The following TBC1D8 variants were observed in gnomAD, a reference collection of about 807,000 sequenced individuals.
TBC1D8 encodes BUB2-like protein 1.
TBC1D8 carries 65 observed loss-of-function variants against 118.8 expected under a neutral mutation model. The ratio of observed to expected loss-of-function variants is 0.55; its 90% CI spans 0.45 to 0.67. The LOEUF is 0.67. Among genes scored for constraint, TBC1D8 ranks in the 30% least tolerant of loss-of-function variants. TBC1D8 has a pLI of 0.00. For synonymous variants in TBC1D8, 566 were observed against 595.8 expected (o/e 0.95, Z 0.73); for missense variants, 1,376 against 1,471.2 (o/e 0.94, Z 1.06).
chr2:101,097,359 T>G (rs1182057041), intron 1 of TBC1D8, among the ~76,000 whole-genome samples: 3 of 152,038 alleles, frequency 2.0e-5, no homozygotes, highest in Admixed American at 2.0e-4. Context: ...GCAACCGAAA[T>G]TTATATAAAG....
rs1475712173 is a variant in TBC1D8 at position 101,010,924 on chromosome 2, C to T, written c.3015+5G>A. 2 of 1,608,842 alleles carry T rather than the reference C, an allele frequency of 1.2e-6. No homozygotes were observed. Among genetic ancestry groups the T allele is most frequent in the East Asian group, 2.2e-5 (1 of 44,852 alleles). On this transcript the variant is annotated splice_donor_5th_base_variant and intron_variant, in intron 19 of 19. Coordinates refer to ENST00000409318, the MANE Select transcript of TBC1D8 (RefSeq NM_001330348.2). ...TTAATTCTCTGCACTGAAGAAAGTCCATACCTGGCTCATTTTGGGCAATTC... is the reference window on the plus strand; with the variant it reads ...TTAATTCTCTGCACTGAAGAAAGTCTATACCTGGCTCATTTTGGGCAATTC...
intron 1 of TBC1D8, among the ~76,000 whole-genome samples, chr2:101,126,100 A>G (rs1481517571): frequency 6.6e-6 from 1 of 152,202 alleles, no homozygotes; most frequent in Non-Finnish European, 1.5e-5. Context: ...ATGAAGCCTC[A>G]GGAAGCTTCC....
chr2:101,056,194 AATT>A (rs1402993389), intron 3 of TBC1D8, among the ~76,000 whole-genome samples: 5 of 140,230 alleles, frequency 3.6e-5, no homozygotes, highest in East Asian at 2.0e-4. Flanking sequence ...TGTAATGTAA[AATT>A]ATTATTATTA....
chr2:101,022,593 CAAT>C (rs1680104751), intron 15 of TBC1D8, 72 bp from the exon 16 acceptor site: 6 of 1,521,930 alleles, frequency 3.9e-6, no homozygotes, highest in South Asian at 2.7e-5. Flanking sequence ...CAAACAAATA[CAAT>C]AATAAATTAC....
chr2:101,100,016 A>G (rs1004090856), intron 1 of TBC1D8, among the ~76,000 whole-genome samples: 2 of 152,210 alleles, frequency 1.3e-5, no homozygotes, highest in Non-Finnish European at 2.9e-5. Context: ...GGCCAGGGCA[A>G]TCAGACAAGA....
Position 101,038,553 on chromosome 2 carries a change from G to A in TBC1D8, c.1183C>T (p.Arg395Ter), listed in dbSNP as rs553945266. The A allele has an allele frequency of 9.9e-6, 16 of 1,613,898 alleles. No homozygotes were observed. Among genetic ancestry groups the A allele is most frequent in the East Asian group, 2.2e-5 (1 of 44,880 alleles). Residue 395 changes from arginine (R) to a stop codon, truncating the protein, a stop_gained, in exon 7 of 20, where the codon CGA becomes TGA. Coordinates refer to ENST00000409318, the MANE Select transcript of TBC1D8 (RefSeq NM_001330348.2). LOFTEE classifies it high-confidence loss of function. ...VAFQFIELRDRDSLVEALLAR... is the reference protein window; with the variant it reads ...VAFQFIELRD ...AGCAGCGCCTCCACCAGGCTGTCTC[G>A]GTCCCGGAGCTCAATGAACTGGAAG... is the stretch of plus-strand genomic sequence containing the variant.
At position 101,063,816 on chromosome 2, in the gene TBC1D8, T is replaced by G. The variant is rs981248999; in HGVS notation, c.284-4277A>C. The stretch of plus-strand genomic sequence containing the variant: ...CAAACTCCTAAGGATAGCTACTGAT[T>G]TGTAAAATATTTGTTAGAGTTATGC... On this transcript the variant is annotated intron_variant, in intron 2 of 19. Coordinates refer to ENST00000409318, the MANE Select transcript of TBC1D8 (RefSeq NM_001330348.2). 5.3e-5 allele frequency among the ~76,000 whole-genome samples: 8 copies of G among 152,238 alleles called. No individual in the cohort carries two copies. In the East Asian group the frequency reaches 1.2e-3, roughly 22 times the overall value.
At chr2:101,133,736 T>C (rs1487192297) in intron 1 of TBC1D8, among the ~76,000 whole-genome samples, 1 of 152,102 alleles carries the variant, frequency 6.6e-6, no homozygotes, top group African/African-American at 2.4e-5. Context: ...GTTGTATTAG[T>C]CCATTTTCAC....
At chr2:101,107,334 A>G (rs755090468) in intron 1 of TBC1D8, among the ~76,000 whole-genome samples, 1 of 152,124 alleles carries the variant, frequency 6.6e-6, no homozygotes, top group Non-Finnish European at 1.5e-5. Context: ...TTCTGGTGGT[A>G]TCTGTGAGGG....
chr2:101,026,092 A>G (rs1180972730), intron 15 of TBC1D8, among the ~76,000 whole-genome samples: 2 of 152,240 alleles, frequency 1.3e-5, no homozygotes, highest in African/African-American at 4.8e-5. Context: ...CTGGTACTTA[A>G]CAAAATTTGT....
intron 2 of TBC1D8, among the ~76,000 whole-genome samples, chr2:101,088,690 C>T (rs1280977193): frequency 6.6e-6 from 1 of 152,134 alleles, no homozygotes; most frequent in African/African-American, 2.4e-5. Flanking sequence ...TGATCCTCAG[C>T]CTTCCTAGTA....
chr2:101,018,715 A>T (rs997649706), intron 17 of TBC1D8, among the ~76,000 whole-genome samples: 2 of 152,218 alleles, frequency 1.3e-5, no homozygotes, highest in African/African-American at 4.8e-5. Flanking sequence ...TTTGCTCAGT[A>T]TACAAACTTA....
chr2:101,089,694 G>C (rs962408028), intron 2 of TBC1D8, among the ~76,000 whole-genome samples: 3 of 152,010 alleles, frequency 2.0e-5, no homozygotes, highest in East Asian at 1.9e-4. Flanking sequence ...CTGCCCACAT[G>C]ATCACAATAG....
chr2:101,076,230 G>A (rs950557946), intron 2 of TBC1D8, among the ~76,000 whole-genome samples: 1 of 152,182 alleles, frequency 6.6e-6, no homozygotes, highest in Non-Finnish European at 1.5e-5. Flanking sequence ...GCAGACAGTT[G>A]TAAAAGGAAT....
intron 1 of TBC1D8, among the ~76,000 whole-genome samples, chr2:101,101,937 T>C (rs1676864380): frequency 6.6e-6 from 1 of 151,414 alleles, no homozygotes; most frequent in Non-Finnish European, 1.5e-5. Context: ...GATGGGTCAA[T>C]AGGTACAGCA....
chr2:101,031,296 A>C (rs1177659204), intron 11 of TBC1D8, among the ~76,000 whole-genome samples: 2 of 152,234 alleles, frequency 1.3e-5, no homozygotes, highest in Non-Finnish European at 2.9e-5. Flanking sequence ...AAGGCTCAGG[A>C]AAGGGTACAC....
chr2:101,007,704 G>T lies in TBC1D8; in HGVS notation c.*117C>A. 1 of 1,059,640 alleles carries T rather than the reference G, an allele frequency of 9.4e-7. No individual in the cohort carries two copies. The highest frequency in any genetic ancestry group is 1.4e-6 in the Non-Finnish European group (1 of 725,724). 65.6% of individuals were successfully genotyped at this position (1,059,640 alleles called of 1,614,324 possible). On this transcript the variant is annotated 3_prime_UTR_variant, in exon 20 of 20. Coordinates refer to ENST00000409318, the MANE Select transcript of TBC1D8 (RefSeq NM_001330348.2). Reference sequence around the variant, plus strand: ...TGGCCACAGTTTGTCAGGTTGTTTAGCCAGATGCCCCATTGGTAAGGTAGA... The same window carrying T: ...TGGCCACAGTTTGTCAGGTTGTTTATCCAGATGCCCCATTGGTAAGGTAGA...
chr2:101,135,014 A>C (rs945133819), intron 1 of TBC1D8, among the ~76,000 whole-genome samples: 6 of 152,158 alleles, frequency 3.9e-5, no homozygotes, highest in Non-Finnish European at 8.8e-5. Flanking sequence ...TCTACTAAAA[A>C]TACAATAATT....
chr2:101,017,074 T>TAAA (rs376317331), intron 17 of TBC1D8, among the ~76,000 whole-genome samples: 1 of 133,016 alleles, frequency 7.5e-6, no homozygotes, highest in African/African-American at 2.8e-5. Flanking sequence ...TTAAAAGTAT[T>TAAA]AAAAAAAAAA....
Sources: gnomAD v4.1 joint callset for allele counts (sites outside exome capture counted in the v4.1 genomes callset) on GRCh38, gnomAD v4.1.1 for gene constraint, MANE v1.5 for transcripts, NCBI Gene and HGNC (gene_info 2026-07-23, HGNC 2026-07-21) for gene names.